The following NCALD variants were observed in gnomAD, a reference collection of about 807,000 sequenced individuals.
The protein encoded by NCALD is neurocalcin-delta.
NCALD carries 10 observed loss-of-function variants against 18.6 expected under a neutral mutation model. The ratio of observed to expected loss-of-function variants is 0.54; its 90% CI spans 0.33 to 0.91. The LOEUF (loss-of-function observed/expected upper bound fraction) is 0.91, where lower values mean the gene tolerates loss of function less well. Among genes scored for constraint, NCALD ranks in the 40% least tolerant of loss-of-function variants. The probability of loss-of-function intolerance (pLI) is 0.03; values close to 1 mark genes in which losing one functional copy is unlikely to be tolerated. For synonymous variants in NCALD, 88 were observed against 87.4 expected (o/e 1.01, Z -0.04); for missense variants, 184 against 247.6 (o/e 0.74, Z 1.72).
intron 4 of NCALD, among the ~76,000 whole-genome samples, chr8:101,833,102 C>G (rs1421386897): frequency 5.9e-5 from 9 of 152,192 alleles, no homozygotes; most frequent in African/African-American, 2.2e-4. Flanking sequence ...TCCTGAGCCA[C>G]AGCTTCCCCT....
intron 4 of NCALD, among the ~76,000 whole-genome samples, chr8:101,867,552 A>G (rs1815824069): frequency 6.6e-6 from 1 of 152,194 alleles, no homozygotes; most frequent in Admixed American, 6.5e-5. Flanking sequence ...AAAGCTTCCA[A>G]TTTTGGACTT....
chr8:102,038,354 GAAC>G (rs1822940535), intron 1 of NCALD, among the ~76,000 whole-genome samples: 1 of 152,164 alleles, frequency 6.6e-6, no homozygotes. Flanking sequence ...TTCTCTCAAA[GAAC>G]AATCCCTGCT....
chr8:102,013,249 C>G (rs1471638384), intron 2 of NCALD, among the ~76,000 whole-genome samples: 1 of 152,146 alleles, frequency 6.6e-6, no homozygotes, highest in Non-Finnish European at 1.5e-5. Flanking sequence ...TTTCTGGTCT[C>G]AGCAGCTCAT....
At chr8:101,920,907 G>A (rs1297241885) in intron 2 of NCALD, among the ~76,000 whole-genome samples, 2 of 152,140 alleles carry the variant, frequency 1.3e-5, no homozygotes, top group African/African-American at 2.4e-5. Flanking sequence ...ACTAACTGAC[G>A]CAGTCCATGT....
rs1554639373 is a variant in NCALD at position 101,819,263 on chromosome 8, CTTTATTTA to C, written c.-20+67870_-20+67877del. On this transcript the variant is annotated intron_variant, in intron 4 of 6. Transcript: ENST00000311028. ...TATTTGTTTACTTATAAATACATAA[CTTTATTTA>C]TTTATTTATTTATTTATTTATTTAT... Among the ~76,000 whole-genome samples the C allele has an allele frequency of 4.4e-3, 657 of 148,374 alleles. 4 individuals are homozygous for C. The highest frequency in any genetic ancestry group is 0.014 in the African/African-American group (581 of 40,602).
intron 4 of NCALD, among the ~76,000 whole-genome samples, chr8:101,823,770 C>A (rs1174747727): frequency 6.6e-6 from 1 of 152,172 alleles, no homozygotes. Context: ...CCACGCAATT[C>A]TCTGAGTATG....
chr8:102,029,982 T>C (rs576049147), intron 1 of NCALD, among the ~76,000 whole-genome samples: 5 of 152,338 alleles, frequency 3.3e-5, no homozygotes, highest in Admixed American at 6.5e-5. Context: ...TTATTCCAGA[T>C]ACTTGTCTAG....
chr8:101,789,547 A>G (rs771198949), intron 1 of NCALD, among the ~76,000 whole-genome samples: 3 of 152,224 alleles, frequency 2.0e-5, no homozygotes, highest in Non-Finnish European at 2.9e-5. Flanking sequence ...AATAAATGCT[A>G]TTAGAATTCT....
chr8:101,745,070 G>A (rs770878281), intron 1 of NCALD, among the ~76,000 whole-genome samples: 4 of 151,602 alleles, frequency 2.6e-5, no homozygotes, highest in Non-Finnish European at 5.9e-5. Flanking sequence ...TCATTTCACC[G>A]AGAACGTCCT....
intron 2 of NCALD, among the ~76,000 whole-genome samples, chr8:101,713,249 T>C (rs781632202): frequency 1.3e-5 from 2 of 151,962 alleles, no homozygotes; most frequent in Non-Finnish European, 2.9e-5. Context: ...ACACAATATA[T>C]CAGAATCTCT....
intron 2 of NCALD, among the ~76,000 whole-genome samples, chr8:101,938,234 A>T (rs898486168): frequency 6.6e-6 from 1 of 152,242 alleles, no homozygotes; most frequent in Non-Finnish European, 1.5e-5. Flanking sequence ...GGTTGTAATG[A>T]TAAATCACCA....
At chr8:101,924,750 A>T (rs1195686506) in intron 2 of NCALD, among the ~76,000 whole-genome samples, 1 of 152,224 alleles carries the variant, frequency 6.6e-6, no homozygotes, top group East Asian at 1.9e-4. Context: ...TGCAATCCAC[A>T]CTGCTCCATT....
chr8:101,804,147 T>C (rs1157482006), intron 4 of NCALD, among the ~76,000 whole-genome samples: 3 of 151,804 alleles, frequency 2.0e-5, no homozygotes, highest in Non-Finnish European at 4.4e-5. Context: ...GAAAATAATT[T>C]TTTATATCAC....
At chr8:101,832,416 C>G (rs1324581470) in intron 4 of NCALD, among the ~76,000 whole-genome samples, 1 of 152,164 alleles carries the variant, frequency 6.6e-6, no homozygotes, top group African/African-American at 2.4e-5. Flanking sequence ...TTGATTCTCC[C>G]CATCTTGGCT....
At chr8:101,690,167 C>T in intron 3 of NCALD, 1 of 897,168 alleles carries the variant, frequency 1.1e-6, no homozygotes, top group Middle Eastern at 5.6e-4. Context: ...ACAGAATTCT[C>T]TTCCAGGAAG....
chr8:101,943,889 C>A (rs1156890716), intron 2 of NCALD, among the ~76,000 whole-genome samples: 1 of 151,238 alleles, frequency 6.6e-6, no homozygotes, highest in Non-Finnish European at 1.5e-5. Flanking sequence ...TGCAGTGAGC[C>A]GAGATCACAC....
intron 4 of NCALD, among the ~76,000 whole-genome samples, chr8:101,801,438 A>C (rs73275557): frequency 0.03 from 4,548 of 152,156 alleles, 88 homozygotes; most frequent in Middle Eastern, 0.075. Context: ...ATTCACCAAA[A>C]TTGGCTACAT....
intron 4 of NCALD, among the ~76,000 whole-genome samples, chr8:101,804,600 A>C (rs922162026): frequency 1.5e-5 from 2 of 131,896 alleles, no homozygotes; most frequent in African/African-American, 3.0e-5. Flanking sequence ...TATATAATTA[A>C]TATAATTAAT....
intron 2 of NCALD, among the ~76,000 whole-genome samples, chr8:101,949,982 C>T (rs1819327495): frequency 6.6e-6 from 1 of 152,154 alleles, no homozygotes; most frequent in Admixed American, 6.5e-5. Flanking sequence ...CACCAGGCAA[C>T]AAGGGGCTCT....
Sources: gnomAD v4.1 joint callset for allele counts (sites outside exome capture counted in the v4.1 genomes callset) on GRCh38, gnomAD v4.1.1 for gene constraint, MANE v1.5 for transcripts, NCBI Gene and HGNC (gene_info 2026-07-23, HGNC 2026-07-21) for gene names.